CDR2L: variants seen among roughly 807,000 people sequenced by gnomAD.
The protein encoded by CDR2L is cerebellar degeneration-related protein 2-like.
Under a neutral mutation model 36.1 loss-of-function variants are expected in CDR2L, and 19 were observed. The ratio of observed to expected loss-of-function variants is 0.53; its 90% CI spans 0.37 to 0.77. The LOEUF is 0.77. Ranked by LOEUF, CDR2L falls within the 30% of genes least tolerant of loss-of-function variation. The pLI is 0.00. For missense variants in CDR2L, 575 were observed against 627.2 expected, an observed-to-expected ratio of 0.92 and a Z score of 0.89; for synonymous variants, 285 against 280.4, an observed-to-expected ratio of 1.02 and a Z score of -0.16.
chr17:74,988,047 C>A lies in CDR2L; in HGVS notation c.4C>A (p.Arg2=). The change falls in exon 1 of 5, where the codon CGG becomes AGG. Residue 2 remains arginine (R), a synonymous_variant. Coordinates refer to ENST00000337231, the MANE Select transcript of CDR2L (RefSeq NM_014603.3). ...CCCGCCCGCCGCCCGCGGGGCCATG[C>A]GGAGAGCCGCCGGGATGGAGGACTT... The part of the protein sequence containing the change: M[R]RAAGMEDFSA... The A allele has an allele frequency of 1.3e-6, 2 of 1,522,112 alleles. No homozygotes were observed. Among genetic ancestry groups the A allele is most frequent in the South Asian group, 2.5e-5 (2 of 81,618 alleles). The allele number at this position is 1,522,112 out of a possible 1,614,324, so 94.3% of individuals were successfully genotyped here. A position where few individuals can be genotyped will look rare whatever the true frequency, so the allele number is the denominator to read the frequency against.
At position 74,990,758 on chromosome 17, in the gene CDR2L, G is replaced by A. The variant is rs538339440; in HGVS notation, c.79+2636G>A. Among the ~76,000 whole-genome samples, 8 of 152,362 alleles carry A rather than the reference G, an allele frequency of 5.3e-5. 1 individual carries two copies. In the South Asian group the frequency reaches 1.4e-3, roughly 28 times the overall value. ...GGGCCCTGCCCGCCCTGTGCCCCAG[G>A]GGCCAGGCATGGAGAGCTGGATGGT... On this transcript the variant is annotated intron_variant, in intron 1 of 4. Transcript: ENST00000337231.
At position 75,001,496 on chromosome 17, in the gene CDR2L, G is replaced by T. The variant is rs2039866685; in HGVS notation, c.341+7G>T. The T allele has an allele frequency of 6.5e-7, 1 of 1,541,010 alleles. No individual in the cohort carries two copies. Among genetic ancestry groups the T allele is most frequent in the Non-Finnish European group, 8.7e-7 (1 of 1,145,952 alleles). ...CCCAGCAGAAGATCCATGGGTGAGG[G>T]CCCGGCTGAGGGCTGGGGGGCGGGC... is the stretch of plus-strand genomic sequence containing the variant. On this transcript the variant is annotated splice_region_variant and intron_variant, in intron 3 of 4. Coordinates refer to ENST00000337231, the MANE Select transcript of CDR2L (RefSeq NM_014603.3).
At chr17:74,995,609 A>G (rs1255169474) in intron 1 of CDR2L, among the ~76,000 whole-genome samples, 2 of 151,916 alleles carry the variant, frequency 1.3e-5, no homozygotes, top group Non-Finnish European at 2.9e-5. Context: ...GGTTCAAGTG[A>G]TCCTCCTGCC....
At chr17:74,997,919 TAAAA>T (rs35218405) in intron 1 of CDR2L, among the ~76,000 whole-genome samples, 1 of 126,002 alleles carries the variant, frequency 7.9e-6, no homozygotes, top group African/African-American at 3.0e-5. Flanking sequence ...TTTTAGAAGT[TAAAA>T]AAAAAAAAAA....
intron 1 of CDR2L, among the ~76,000 whole-genome samples, chr17:74,991,178 G>A (rs367708981): frequency 1.5e-4 from 23 of 152,232 alleles, no homozygotes; most frequent in Middle Eastern, 3.4e-3. Flanking sequence ...CAAGGCGGGC[G>A]GATCACCTGA....
chr17:75,003,405 T>A lies in CDR2L; in HGVS notation c.729T>A (p.Arg243=). 6.4e-7 allele frequency: 1 copy of A among 1,570,506 alleles called. No homozygotes were observed. Among genetic ancestry groups the A allele is most frequent in the Non-Finnish European group, 8.6e-7 (1 of 1,158,978 alleles). Residue 243 remains arginine, a synonymous_variant, in exon 5 of 5, where the codon CGT becomes CGA. Coordinates refer to ENST00000337231, the MANE Select transcript of CDR2L (RefSeq NM_014603.3). ...QLCEMEACRL[R]VQELEAELLE... ...GCGAGATGGAGGCCTGTCGCCTGCG[T>A]GTGCAGGAGCTGGAGGCCGAGCTGC...
rs1005735107 is a variant in CDR2L at position 74,989,640 on chromosome 17, T to C, written c.79+1518T>C. On this transcript the variant is annotated intron_variant, in intron 1 of 4. Coordinates refer to ENST00000337231, the MANE Select transcript of CDR2L (RefSeq NM_014603.3). This position sits in a 1 kb window ranked among gnomAD's most constrained non-coding sequence, Gnocchi z 4.2. ...GTGTAGGTGGCACAGTATTTTTTTCTTTTTTCTTTTTATTTATTTATTTAT... is the reference window on the plus strand; with the variant it reads ...GTGTAGGTGGCACAGTATTTTTTTCCTTTTTCTTTTTATTTATTTATTTAT... 1.5e-4 allele frequency among the ~76,000 whole-genome samples: 23 copies of C among 152,074 alleles called. No individual in the cohort carries two copies. Among genetic ancestry groups the C allele is most frequent in the Admixed American group, 5.9e-4 (9 of 15,266 alleles).
rs2039871327 is a variant in CDR2L, at chr17:75,002,190, C to T, written c.468C>T (p.His156=). The stretch of plus-strand genomic sequence containing the variant: ...AGCGGGAACGCAGGCGTACCATCCA[C>T]ACCTTCCCCTGCCTCAAGGAGCTGT... ...REKRERRRTI[H]TFPCLKELCT... The change falls in exon 4 of 5, where the codon CAC becomes CAT. Residue 156 remains histidine, a synonymous_variant. Transcript: ENST00000337231. The surrounding 1 kb of genome is among the most constrained non-coding windows in gnomAD (Gnocchi z 4.1). 2 of 1,609,926 alleles carry T rather than the reference C, an allele frequency of 1.2e-6. No homozygotes were observed. Among genetic ancestry groups the T allele is most frequent in the East Asian group, 2.2e-5 (1 of 44,742 alleles).
intron 1 of CDR2L, among the ~76,000 whole-genome samples, chr17:74,998,282 G>A (rs1004537487): frequency 6.6e-6 from 1 of 151,736 alleles, no homozygotes; most frequent in East Asian, 1.9e-4. Context: ...ATAGTCCCAC[G>A]CCTATTCACA....
chr17:74,990,861 C>A (rs1184440056), intron 1 of CDR2L, among the ~76,000 whole-genome samples: 2 of 152,252 alleles, frequency 1.3e-5, no homozygotes, highest in Admixed American at 1.3e-4. Context: ...AAATTCTCTT[C>A]CACCCAGCTG....
At position 74,987,849 on chromosome 17, in the gene CDR2L, G is replaced by C. The variant is rs2039772560; in HGVS notation, c.-195G>C. The C allele has an allele frequency of 7.4e-6, 2 of 270,362 alleles. No individual in the cohort carries two copies. The highest frequency in any genetic ancestry group is 1.4e-5 in the Non-Finnish European group (2 of 143,878). 16.7% of individuals were successfully genotyped at this position (270,362 alleles called of 1,614,324 possible). On this transcript the variant is annotated 5_prime_UTR_variant, in exon 1 of 5. Transcript: ENST00000337231. Reference sequence around the variant, plus strand: ...CCCCCGGCTCTGCGGGACCCCGGCCGGGCCGGACCCTGGCAAAGCGCCAGG... The same window carrying C: ...CCCCCGGCTCTGCGGGACCCCGGCCCGGCCGGACCCTGGCAAAGCGCCAGG...
At chr17:74,998,865 T>A (rs1321330279) in intron 1 of CDR2L, among the ~76,000 whole-genome samples, 1 of 152,190 alleles carries the variant, frequency 6.6e-6, no homozygotes, top group Admixed American at 6.5e-5. Context: ...ATTCTAAAAT[T>A]AGGCCAGCAG....
intron 1 of CDR2L, among the ~76,000 whole-genome samples, chr17:74,991,629 A>C (rs1237827914): frequency 1.3e-5 from 2 of 151,858 alleles, no homozygotes; most frequent in Non-Finnish European, 2.9e-5. Flanking sequence ...ATGCAGGAGA[A>C]TGGTGTGAAC....
Position 75,003,375 on chromosome 17 carries a change from G to C in CDR2L, c.699G>C (p.Gln233His). Reference protein sequence around the residue: ...VLQEYSELERQLCEMEACRLR... With the variant: ...VLQEYSELERHLCEMEACRLR... Reference sequence around the variant, plus strand: ...AGGAGTACTCGGAGCTGGAGCGCCAGCTGTGCGAGATGGAGGCCTGTCGCC... The same window carrying C: ...AGGAGTACTCGGAGCTGGAGCGCCACCTGTGCGAGATGGAGGCCTGTCGCC... The change falls in exon 5 of 5, where the codon CAG (glutamine) becomes CAC (histidine). Residue 233 changes from glutamine to histidine, a missense_variant. Gln to His is a conservative substitution (Grantham distance 24). Coordinates refer to ENST00000337231, the MANE Select transcript of CDR2L (RefSeq NM_014603.3). The C allele has an allele frequency of 6.4e-7, 1 of 1,560,706 alleles. No individual in the cohort carries two copies.
intron 3 of CDR2L, among the ~76,000 whole-genome samples, 197 bp from the exon 4 acceptor site, chr17:75,001,867 C>T (rs2039869047): frequency 6.6e-6 from 1 of 152,168 alleles, no homozygotes; most frequent in Non-Finnish European, 1.5e-5. Flanking sequence ...GATCAGCTCG[C>T]CTGAGAGGTA....
intron 2 of CDR2L, among the ~76,000 whole-genome samples, chr17:75,000,534 G>A (rs1024971665): frequency 5.5e-5 from 8 of 145,298 alleles, no homozygotes; most frequent in African/African-American, 2.0e-4. Flanking sequence ...TCCTGACCTC[G>A]TGATCTGCCC....
intron 1 of CDR2L, among the ~76,000 whole-genome samples, chr17:74,999,288 G>GCACACACACA (rs113287746): frequency 0.017 from 2,495 of 144,926 alleles, 35 homozygotes; most frequent in East Asian, 0.059. Context: ...ATTACATCTT[G>GCACACACACA]CACACACACA....
rs1157949627 is a variant in CDR2L at position 74,997,032 on chromosome 17, TTTTCTTTC to T, written c.80-2424_80-2417del. Among the ~76,000 whole-genome samples, 414 of 137,536 alleles carry T rather than the reference TTTTCTTTC, an allele frequency of 3.0e-3. 7 individuals carry two copies. The highest frequency in any genetic ancestry group is 0.01 in the African/African-American group (362 of 35,342). 90.2% of individuals were successfully genotyped at this position (137,536 alleles called of 152,430 possible). A position where few individuals can be genotyped will look rare whatever the true frequency, so the allele number is the denominator to read the frequency against. On this transcript the variant is annotated intron_variant, in intron 1 of 4. Transcript: ENST00000337231. ...CCTCTCAGCAAGCTCCTATTCACCC[TTTTCTTTC>T]TTTCTTTCTTTCTTTCTTTCTTTCT...
At chr17:74,997,766 C>T (rs1337452156) in intron 1 of CDR2L, among the ~76,000 whole-genome samples, 1 of 151,958 alleles carries the variant, frequency 6.6e-6, no homozygotes. Context: ...GTGGCTTATG[C>T]CTGTAATCCC....
Sources: gnomAD v4.1 joint callset for allele counts (sites outside exome capture counted in the v4.1 genomes callset) on GRCh38, gnomAD v4.1.1 for gene constraint, Gnocchi (gnomAD v3.1) non-coding constraint, MANE v1.5 for transcripts, NCBI Gene and HGNC (gene_info 2026-07-23, HGNC 2026-07-21) for gene names.